HECTD4: variants seen among roughly 807,000 people sequenced by gnomAD.
The protein encoded by HECTD4 is HECT domain E3 ubiquitin protein ligase 4, also known as probable E3 ubiquitin-protein ligase HECTD4.
HECTD4 carries 114 observed loss-of-function variants against 471.5 expected under a neutral mutation model. The observed-to-expected ratio is 0.24, with a 90% CI of 0.21 to 0.28. The LOEUF (loss-of-function observed/expected upper bound fraction) is 0.28. Ranked by LOEUF, HECTD4 falls within the 10% of genes least tolerant of loss-of-function variation. HECTD4 has a pLI of 1.00. For missense variants in HECTD4, 3,866 were observed against 5,651.5 expected (o/e 0.68, Z 10.13); for synonymous variants, 2,012 against 2,256.0 (o/e 0.89, Z 3.07).
chr12:112,241,646 G>C (rs1566084367), intron 32 of HECTD4, among the ~76,000 whole-genome samples: 1 of 152,108 alleles, frequency 6.6e-6, no homozygotes, highest in Non-Finnish European at 1.5e-5. Context: ...TTTTTGTAGA[G>C]ACAGGGTCTC....
chr12:112,204,696 T>C, intron 52 of HECTD4, 73 bp from the exon 53 acceptor site: 2 of 1,150,080 alleles, frequency 1.7e-6, no homozygotes, highest in East Asian at 2.4e-5. Context: ...GACTTACATG[T>C]AGAGTGAAAT....
chr12:112,373,441 G>A (rs936399663), intron 1 of HECTD4, among the ~76,000 whole-genome samples: 1 of 152,102 alleles, frequency 6.6e-6, no homozygotes, highest in African/African-American at 2.4e-5. Context: ...AGAATCACTT[G>A]AACCCAGGAG....
intron 1 of HECTD4, among the ~76,000 whole-genome samples, chr12:112,354,785 T>G (rs2036304565): frequency 6.6e-6 from 1 of 152,062 alleles, no homozygotes; most frequent in Non-Finnish European, 1.5e-5. Context: ...CACCAAAAAA[T>G]TATATTCTCA....
chr12:112,169,381 T>C (rs2031120918), intron 70 of HECTD4, 122 bp downstream of exon 70: 3 of 1,140,252 alleles, frequency 2.6e-6, no homozygotes, highest in Non-Finnish European at 3.6e-6. Flanking sequence ...ACCTGGCTTC[T>C]GCAGCACAAG....
rs770904913 is a variant in HECTD4 at position 112,230,836 on chromosome 12, C to G, written c.6201-14G>C. 1 of 1,604,226 alleles carries G rather than the reference C, an allele frequency of 6.2e-7. No homozygotes were observed. Among genetic ancestry groups the G allele is most frequent in the Non-Finnish European group, 8.5e-7 (1 of 1,175,216 alleles). ...ACAGGATCAGTCCTGCAAGTGTCAA[C>G]AGGAAAAAGTGTCAGTGCCCAGTGA... On this transcript the variant is annotated splice_polypyrimidine_tract_variant and intron_variant, in intron 39 of 75. Coordinates refer to ENST00000682272, the MANE Select transcript of HECTD4 (RefSeq NM_001388303.1).
rs877595 is a variant in HECTD4, at chr12:112,191,029, A to G, written c.9293-64T>C. 0.035 allele frequency: 47,874 copies of G among 1,382,878 alleles called. 9,597 individuals carry two copies. In the East Asian group the frequency reaches 0.64, roughly 18 times the overall value. The allele number at this position is 1,382,878 out of a possible 1,614,324, so 85.7% of individuals were successfully genotyped here. A position where few individuals can be genotyped will look rare whatever the true frequency, so the allele number is the denominator to read the frequency against. ...GCACCTGACCCAAATAAGCCTCACA[A>G]AAGGTCCTGCCAGGTGTGCATGTAG... On this transcript the variant is annotated intron_variant, in intron 59 of 75. Coordinates refer to ENST00000682272, the MANE Select transcript of HECTD4 (RefSeq NM_001388303.1).
chr12:112,372,824 C>T (rs2036708927), intron 1 of HECTD4, among the ~76,000 whole-genome samples: 1 of 152,034 alleles, frequency 6.6e-6, no homozygotes, highest in African/African-American at 2.4e-5. Flanking sequence ...TGACAGTCTT[C>T]GCCTACTACA....
intron 2 of HECTD4, among the ~76,000 whole-genome samples, chr12:112,314,912 G>C: frequency 6.6e-6 from 1 of 152,166 alleles, no homozygotes; most frequent in East Asian, 1.9e-4. Context: ...AAGTCTAACA[G>C]TATTTCCAGG....
intron 1 of HECTD4, among the ~76,000 whole-genome samples, chr12:112,348,121 A>C (rs1241315832): frequency 1.3e-5 from 2 of 152,232 alleles, no homozygotes; most frequent in Non-Finnish European, 2.9e-5. Flanking sequence ...AAACTTAAAA[A>C]ATTTTTAAAT....
chr12:112,324,045 C>CCTTCTTT lies in HECTD4; in HGVS notation c.178-4304_178-4303insAAAGAAG, dbSNP rs2035677294. ...TCCTTCCTTCCTTCCTTCCTTCCTT[C>CCTTCTTT]CTTTCTTTCTTTCTTTCTTTCTTTC... On this transcript the variant is annotated intron_variant, in intron 1 of 75. Coordinates refer to ENST00000682272, the MANE Select transcript of HECTD4 (RefSeq NM_001388303.1). Among the ~76,000 whole-genome samples, 2 of 13,922 alleles carry CCTTCTTT rather than the reference C, an allele frequency of 1.4e-4. 1 individual carries two copies. The allele number at this position is 13,922 out of a possible 152,430, so 9.1% of individuals were successfully genotyped here.
In HECTD4 at chr12:112,184,576, G is replaced by A. The variant is rs2031791670; in HGVS notation, c.10390C>T (p.Pro3464Ser). The change falls in exon 61 of 76, where the codon CCC becomes TCC. Residue 3464 changes from proline to serine, a missense_variant. Physicochemically the swap from Pro to Ser is moderately conservative, Grantham distance 74 (BLOSUM62 -1). Around this residue, in one of 16 missense-constraint regions of HECTD4, gnomAD observed 192 missense variants for 189.9 expected, o/e 1.01. Transcript: ENST00000682272. This position sits in a 1 kb window ranked among gnomAD's most constrained non-coding sequence, Gnocchi z 9.1. ...CTGACCTCCATGCTGTCTGTGCCGG[G>A]GAAGGCCAGTGTCTTCTCGGGCTCA... ...KVEPEKTLAF[P>S]GTDSMEVSTS... is the part of the protein sequence containing the mutation. 5.6e-6 allele frequency: 9 copies of A among 1,613,644 alleles called. No homozygotes were observed. The highest frequency in any genetic ancestry group is 7.6e-6 in the Non-Finnish European group (9 of 1,179,884).
At chr12:112,168,553 C>G (rs988594086) in intron 70 of HECTD4, among the ~76,000 whole-genome samples, 2 of 152,204 alleles carry the variant, frequency 1.3e-5, no homozygotes, top group Non-Finnish European at 2.9e-5. Flanking sequence ...CAGCTGTGCC[C>G]ACACCCTGCT....
intron 1 of HECTD4, among the ~76,000 whole-genome samples, chr12:112,358,676 C>G (rs571731068): frequency 5.9e-5 from 9 of 151,940 alleles, no homozygotes. Flanking sequence ...TCATAATTGA[C>G]GACACCAAAA....
intron 22 of HECTD4, among the ~76,000 whole-genome samples, chr12:112,252,808 TA>T (rs113292017): frequency 6.8e-6 from 1 of 147,884 alleles, no homozygotes; most frequent in African/African-American, 2.5e-5. Flanking sequence ...ATCTTGAAAA[TA>T]ATTTTTTTTT....
intron 66 of HECTD4, among the ~76,000 whole-genome samples, chr12:112,175,027 C>T (rs2031383306): frequency 6.6e-6 from 1 of 152,148 alleles, no homozygotes; most frequent in Admixed American, 6.5e-5. Flanking sequence ...GCCCTGAAGC[C>T]CTGGCAAGCT....
intron 1 of HECTD4, among the ~76,000 whole-genome samples, chr12:112,371,886 C>CAAAAAA (rs535844706): frequency 1.7e-4 from 10 of 57,178 alleles, no homozygotes; most frequent in Admixed American, 4.0e-4. Flanking sequence ...AACTCTGTCT[C>CAAAAAA]AAAAAAAAAA....
intron 1 of HECTD4, among the ~76,000 whole-genome samples, chr12:112,359,477 G>C (rs1256692965): frequency 6.6e-6 from 1 of 152,060 alleles, no homozygotes; most frequent in Non-Finnish European, 1.5e-5. Flanking sequence ...TGGAGTGCAG[G>C]GGAGTGATCT....
In HECTD4 at chr12:112,204,608, G is replaced by A; in HGVS notation, c.8147C>T (p.Ala2716Val). Residue 2716 changes from alanine (A) to valine (V), a missense_variant, in exon 53 of 76, where the codon GCC (alanine) becomes GTC (valine). Transcript: ENST00000682272. Reference protein sequence around the residue: ...GALQLGMVDIARQTVEFLYEE... With the variant: ...GALQLGMVDIVRQTVEFLYEE... ...GTAGAGAAATTCAACCGTCTGTCGG[G>A]CAATATCCACCATACCTAAAAAATA... 1.2e-6 allele frequency: 2 copies of A among 1,612,892 alleles called. No individual in the cohort carries two copies. The highest frequency in any genetic ancestry group is 1.7e-6 in the Non-Finnish European group (2 of 1,179,170).
In HECTD4 at chr12:112,255,305, A is replaced by C. The variant is rs533579430; in HGVS notation, c.3327+1015T>G. On this transcript the variant is annotated intron_variant, in intron 21 of 75. Coordinates refer to ENST00000682272, the MANE Select transcript of HECTD4 (RefSeq NM_001388303.1). Reference sequence around the variant, plus strand: ...AATTACGGTGGACTGATGCTAGGAGAGATATGTTTCTGAAAGGCCTACTAA... The same window carrying C: ...AATTACGGTGGACTGATGCTAGGAGCGATATGTTTCTGAAAGGCCTACTAA... Among the ~76,000 whole-genome samples, 3 of 152,248 alleles carry C rather than the reference A, an allele frequency of 2.0e-5. No homozygotes were observed. In the South Asian group the frequency reaches 6.2e-4, roughly 32 times the overall value.
Sources: allele counts gnomAD v4.1 joint callset (sites outside exome capture counted in the v4.1 genomes callset), GRCh38; gene constraint gnomAD v4.1.1; regional missense constraint gnomAD v4.1.1; non-coding constraint Gnocchi (gnomAD v3.1); transcripts MANE v1.5; gene names NCBI Gene and HGNC (gene_info 2026-07-23, HGNC 2026-07-21).